CC2D2B: variants seen among roughly 807,000 people sequenced by gnomAD.
The protein encoded by CC2D2B is coiled-coil and C2 domain containing 2B, also known as protein CC2D2B.
A neutral mutation model predicts 161.2 loss-of-function variants in CC2D2B; 128 were observed. The observed-to-expected ratio is 0.79, with a 90% CI of 0.69 to 0.92. CC2D2B has a LOEUF of 0.92. CC2D2B is among the 40% of genes least tolerant of loss of function. The pLI, the probability that CC2D2B is intolerant of heterozygous loss-of-function variation, is 0.00. For missense variants in CC2D2B, 1,173 were observed against 1,375.1 expected, an observed-to-expected ratio of 0.85 and a Z score of 2.32; for synonymous variants, 391 against 449.8, an observed-to-expected ratio of 0.87 and a Z score of 1.65.
Position 95,961,869 on chromosome 10 carries a change from CT to C in CC2D2B, c.1151del (p.Leu384ProfsTer28). The C allele has an allele frequency of 8.1e-7, 1 of 1,231,398 alleles. No individual in the cohort carries two copies. The highest frequency in any genetic ancestry group is 1.6e-5 in the African/African-American group (1 of 64,466). 76.3% of individuals were successfully genotyped at this position (1,231,398 alleles called of 1,614,324 possible). A position where few individuals can be genotyped will look rare whatever the true frequency, so the allele number is the denominator to read the frequency against. On this transcript the variant is annotated frameshift_variant, in exon 12 of 35. Transcript: ENST00000646931. LOFTEE classifies it high-confidence loss of function. Reference sequence around the variant, plus strand: ...GTATGACTTAGAAAGGGGAAAGGACCTCTCCCTACTACACAGTATATTACGA... The same window carrying C: ...GTATGACTTAGAAAGGGGAAAGGACCCTCCCTACTACACAGTATATTACGA... Reference protein sequence around the residue: ...QMYDLERGKDLSLLHSILRTW... With the variant: ...QMYDLERGKDXSLLHSILRTW...
intron 32 of CC2D2B, 51 bp from the exon 33 acceptor site, chr10:96,024,802 G>A: frequency 3.7e-6 from 4 of 1,079,292 alleles, no homozygotes; most frequent in South Asian, 1.4e-5. Flanking sequence ...GAGTGACTGT[G>A]ATGTAAACAT....
chr10:95,946,941 C>T (rs149030330), intron 9 of CC2D2B, among the ~76,000 whole-genome samples: 1,852 of 151,380 alleles, frequency 0.012, 22 homozygotes, highest in Middle Eastern at 0.048. Context: ...TGGCTTTTAT[C>T]AGGAGTGGCT....
At chr10:95,946,536 T>C (rs1443232762) in intron 9 of CC2D2B, among the ~76,000 whole-genome samples, 2 of 152,256 alleles carry the variant, frequency 1.3e-5, no homozygotes, top group Admixed American at 1.3e-4. Flanking sequence ...TGGTGTTTTC[T>C]TTCCTGTTTA....
intron 6 of CC2D2B, among the ~76,000 whole-genome samples, chr10:95,934,547 C>T (rs903625887): frequency 2.6e-5 from 4 of 152,168 alleles, no homozygotes; most frequent in Non-Finnish European, 5.9e-5. Context: ...TGACGTAGGC[C>T]CCCAAGGGAA....
chr10:95,984,885 A>G (rs1299214095), intron 19 of CC2D2B, among the ~76,000 whole-genome samples: 1 of 151,984 alleles, frequency 6.6e-6, no homozygotes, highest in East Asian at 1.9e-4. Flanking sequence ...AAAAAAAATT[A>G]CACACACACC....
At chr10:95,926,841 TG>T (rs1454883178) in intron 5 of CC2D2B, among the ~76,000 whole-genome samples, 9 of 123,222 alleles carry the variant, frequency 7.3e-5, no homozygotes, top group Non-Finnish European at 1.7e-4. Flanking sequence ...TGTGTGTGTG[TG>T]TGTGTCTGTG....
chr10:95,926,848 C>CTGTGTGTGTCTGTGTGTG (rs2098540019), intron 5 of CC2D2B, among the ~76,000 whole-genome samples: 3 of 106,904 alleles, frequency 2.8e-5, no homozygotes, highest in Admixed American at 9.0e-5. Flanking sequence ...GTGTGTGTGT[C>CTGTGTGTGTCTGTGTGTG]TGTGTGTGTG....
chr10:95,919,658 T>G (rs2098522819), intron 2 of CC2D2B: 1 of 152,104 alleles, frequency 6.6e-6, no homozygotes, highest in Admixed American at 6.5e-5. Flanking sequence ...TTGATGTTTA[T>G]TCAAGCCCCA....
At chr10:96,017,492 G>A (rs2079256430) in intron 30 of CC2D2B, among the ~76,000 whole-genome samples, 1 of 152,144 alleles carries the variant, frequency 6.6e-6, no homozygotes, top group African/African-American at 2.4e-5. Flanking sequence ...TTTCACCTCA[G>A]CCATGGGGTT....
At chr10:95,948,311 T>C (rs1036179633) in intron 9 of CC2D2B, among the ~76,000 whole-genome samples, 5 of 123,722 alleles carry the variant, frequency 4.0e-5, no homozygotes, top group Admixed American at 2.6e-4. Flanking sequence ...AACAGAGATA[T>C]AGATCAATGG....
At chr10:95,982,190 A>C in intron 18 of CC2D2B, 77 bp downstream of exon 18, 1 of 1,000,178 alleles carries the variant, frequency 1.0e-6, no homozygotes, top group South Asian at 5.2e-5. Context: ...AGTTTCCCCC[A>C]TAGTTTGCTG....
intron 24 of CC2D2B, among the ~76,000 whole-genome samples, chr10:96,001,341 AT>A: frequency 6.6e-6 from 1 of 152,312 alleles, no homozygotes; most frequent in East Asian, 1.9e-4. Context: ...ATTGTCGTGG[AT>A]TAGCCATCAT....
At chr10:95,976,319 C>T (rs2077311100) in intron 17 of CC2D2B, among the ~76,000 whole-genome samples, 1 of 152,186 alleles carries the variant, frequency 6.6e-6, no homozygotes. Context: ...CAGCAAGTGA[C>T]CTTCAAGCCA....
intron 24 of CC2D2B, among the ~76,000 whole-genome samples, chr10:96,003,021 A>AATATATATATAT (rs57187442): frequency 7.0e-4 from 98 of 140,692 alleles, no homozygotes; most frequent in African/African-American, 2.5e-3. Context: ...AAAATAAATA[A>AATATATATATAT]ATATATATAT....
chr10:95,950,184 AAC>A (rs1024055875), intron 10 of CC2D2B, 79 bp downstream of exon 10: 50 of 397,374 alleles, frequency 1.3e-4, no homozygotes, highest in Non-Finnish European at 2.0e-4. Context: ...AAATTATCAG[AAC>A]ATTTTCTAAA....
rs556884001 is a variant in CC2D2B, at chr10:95,992,285, G to A, written c.2472-242G>A. Among the ~76,000 whole-genome samples the A allele has an allele frequency of 8.5e-5, 13 of 152,190 alleles. No homozygotes were observed. The South Asian group carries it at 1.9e-3, about 22-fold the overall frequency. ...CCTCTCCATGTCCACGTATCTGTTT[G>A]GACCATGTACCCAAGGGGCAAGGAG... On this transcript the variant is annotated intron_variant, in intron 21 of 34. Transcript: ENST00000646931.
intron 17 of CC2D2B, among the ~76,000 whole-genome samples, chr10:95,979,872 A>G (rs2077449067): frequency 6.6e-6 from 1 of 152,154 alleles, no homozygotes; most frequent in African/African-American, 2.4e-5. Context: ...AATGCCACTG[A>G]ATTGTGTATT....
intron 19 of CC2D2B, among the ~76,000 whole-genome samples, chr10:95,987,651 T>C (rs1232290870): frequency 6.6e-6 from 1 of 152,186 alleles, no homozygotes; most frequent in East Asian, 1.9e-4. Flanking sequence ...ATACTGACTA[T>C]ATATGTAATA....
At chr10:96,001,060 T>G (rs117448344) in intron 24 of CC2D2B, among the ~76,000 whole-genome samples, 12 of 152,278 alleles carry the variant, frequency 7.9e-5, no homozygotes, top group Non-Finnish European at 1.0e-4. Context: ...TCCTGCTTGC[T>G]ACCAAGAAGG....
Sources: allele counts gnomAD v4.1 joint callset (sites outside exome capture counted in the v4.1 genomes callset), GRCh38; gene constraint gnomAD v4.1.1; transcripts MANE v1.5; gene names NCBI Gene and HGNC (gene_info 2026-07-23, HGNC 2026-07-21).